The following PCNX1 variants were observed in gnomAD, a reference collection of about 807,000 sequenced individuals.
PCNX1 encodes the protein pecanex 1.
In PCNX1, 78 loss-of-function variants were observed where a neutral mutation model predicts 242.2. The observed-to-expected ratio is 0.32, with a 90% CI of 0.27 to 0.39. PCNX1 has a LOEUF of 0.39. PCNX1 is among the 10% of genes least tolerant of loss of function. The pLI, the probability that PCNX1 is intolerant of heterozygous loss-of-function variation, is 1.00. For missense variants in PCNX1, 2,581 were observed against 2,856.5 expected, an observed-to-expected ratio of 0.90 and a Z score of 2.20; for synonymous variants, 1,024 against 1,032.9, an observed-to-expected ratio of 0.99 and a Z score of 0.17.
chr14:71,105,387 A>G lies in PCNX1; in HGVS notation c.6248A>G (p.Gln2083Arg), dbSNP rs2062584310. ...CAGGGAAGCATTGGAAATCCTGGGC[A>G]GGGATCAGGAACTGGACTCCACCCA... ...VTQGSIGNPG[Q>R]GSGTGLHPPV... The change falls in exon 33 of 36, where the codon CAG becomes CGG. Residue 2083 changes from glutamine (Q) to arginine (R), a missense_variant. Around this residue, in one of 9 missense-constraint regions of PCNX1, gnomAD observed 432 missense variants for 433.6 expected, o/e 1.00. Coordinates refer to ENST00000304743, the MANE Select transcript of PCNX1 (RefSeq NM_014982.3). 9 of 1,614,144 alleles carry G rather than the reference A, an allele frequency of 5.6e-6. No homozygotes were observed. Among genetic ancestry groups the G allele is most frequent in the Non-Finnish European group, 7.6e-6 (9 of 1,179,980 alleles).
rs190499060 is a variant in PCNX1, at chr14:70,977,847, G to T, written c.1510G>T (p.Asp504Tyr). 3 of 1,614,144 alleles carry T rather than the reference G, an allele frequency of 1.9e-6. No individual in the cohort carries two copies. The highest frequency in any genetic ancestry group is 3.3e-5 in the Admixed American group (2 of 60,020). Residue 504 changes from aspartate (D) to tyrosine (Y), a missense_variant, in exon 6 of 36, where the codon GAC (aspartate) becomes TAC (tyrosine). Transcript: ENST00000304743. ...TGCAAATGAATTTACTTCCCAAGGG[G>T]ACAGACCACCTGGGAACACTGCAGA... ...PHANEFTSQG[D>Y]RPPGNTAENK...
intron 1 of PCNX1, among the ~76,000 whole-genome samples, chr14:70,945,293 A>G (rs910543276): frequency 2.0e-5 from 3 of 152,152 alleles, no homozygotes; most frequent in Admixed American, 6.5e-5. Context: ...CAGGTACTCA[A>G]CTCTTCCAAA....
At chr14:71,027,061 C>A in intron 15 of PCNX1, 179 bp downstream of exon 15, 1 of 468,384 alleles carries the variant, frequency 2.1e-6, no homozygotes, top group Non-Finnish European at 3.8e-6. Context: ...AAAAAATAGT[C>A]AAGTCTGCTA....
intron 16 of PCNX1, among the ~76,000 whole-genome samples, chr14:71,031,204 A>T (rs764356790): frequency 2.0e-5 from 3 of 152,194 alleles, no homozygotes; most frequent in Admixed American, 1.3e-4. Context: ...AAATATGCAA[A>T]TGGAGAAGGG....
At chr14:71,023,426 A>G (rs1440318176) in intron 13 of PCNX1, among the ~76,000 whole-genome samples, 194 bp downstream of exon 13, 1 of 152,100 alleles carries the variant, frequency 6.6e-6, no homozygotes, top group Non-Finnish European at 1.5e-5. Flanking sequence ...ATAAAATGAC[A>G]TTGTACTTGT....
chr14:70,908,314 C>T (rs755665838), intron 1 of PCNX1, among the ~76,000 whole-genome samples: 1 of 152,176 alleles, frequency 6.6e-6, no homozygotes, highest in Non-Finnish European at 1.5e-5. Flanking sequence ...CCGTCCCCGC[C>T]GGGGCCCCCC....
intron 1 of PCNX1, among the ~76,000 whole-genome samples, chr14:70,943,952 G>T (rs2057363876): frequency 6.6e-6 from 1 of 152,216 alleles, no homozygotes; most frequent in Non-Finnish European, 1.5e-5. Flanking sequence ...CAGAAGCCAA[G>T]AATTGAGGTT....
intron 1 of PCNX1, among the ~76,000 whole-genome samples, chr14:70,934,450 A>G (rs568382273): frequency 6.6e-5 from 10 of 152,300 alleles, no homozygotes; most frequent in African/African-American, 2.4e-4. Flanking sequence ...TAACCATTTA[A>G]AAAATTTTTG....
At chr14:71,080,190 T>G (rs2061818864) in intron 28 of PCNX1, among the ~76,000 whole-genome samples, 1 of 152,136 alleles carries the variant, frequency 6.6e-6, no homozygotes, top group Admixed American at 6.5e-5. Context: ...TGTAGATGAG[T>G]GGCATTATTT....
At position 70,955,651 on chromosome 14, in the gene PCNX1, A is replaced by G. The variant is rs1422567048; in HGVS notation, c.363-6575A>G. Among the ~76,000 whole-genome samples the G allele has an allele frequency of 5.3e-5, 8 of 152,194 alleles. No individual in the cohort carries two copies. The South Asian group carries it at 8.3e-4, about 16-fold the overall frequency. ...GTTGTATTGCTTACTGCAGTAGACC[A>G]CTTTGCTACTGTGAGAATTATAAAC... On this transcript the variant is annotated intron_variant, in intron 2 of 35. Transcript: ENST00000304743.
chr14:71,025,668 A>G (rs894941025), intron 13 of PCNX1, among the ~76,000 whole-genome samples: 1 of 152,142 alleles, frequency 6.6e-6, no homozygotes, highest in Non-Finnish European at 1.5e-5. Flanking sequence ...ACTTGAGACC[A>G]GGAGTTTGAG....
intron 28 of PCNX1, among the ~76,000 whole-genome samples, chr14:71,080,897 A>C (rs548329080): frequency 1.1e-3 from 168 of 152,344 alleles, no homozygotes; most frequent in African/African-American, 3.8e-3. Context: ...TAGAACTTCC[A>C]ATACTGTGTT....
chr14:71,057,999 C>T (rs2061228898), intron 26 of PCNX1, among the ~76,000 whole-genome samples: 2 of 152,052 alleles, frequency 1.3e-5, no homozygotes, highest in African/African-American at 4.8e-5. Context: ...TTGTTCTGTG[C>T]TTGGTCTCTT....
intron 28 of PCNX1, among the ~76,000 whole-genome samples, chr14:71,080,461 G>GGTA (rs1163255894): frequency 6.6e-6 from 1 of 152,200 alleles, no homozygotes; most frequent in East Asian, 1.9e-4. Context: ...AATTACTTTG[G>GGTA]GTAGTATGGC....
Position 70,971,138 on chromosome 14 carries a change from T to G in PCNX1, c.604+2028T>G, listed in dbSNP as rs1341936729. 2.5e-3 allele frequency among the ~76,000 whole-genome samples: 15 copies of G among 6,068 alleles called. 5 individuals carry two copies. The South Asian group carries it at 0.034, about 14-fold the overall frequency. 4.0% of individuals were successfully genotyped at this position (6,068 alleles called of 152,430 possible). A position where few individuals can be genotyped will look rare whatever the true frequency, so the allele number is the denominator to read the frequency against. On this transcript the variant is annotated intron_variant, in intron 5 of 35. Transcript: ENST00000304743. Reference sequence around the variant, plus strand: ...TAGTTTTTTTTTTTTTTTTTTTTTTTTTTTTTTTTTTTTTTTTGAGACGGA... The same window carrying G: ...TAGTTTTTTTTTTTTTTTTTTTTTTGTTTTTTTTTTTTTTTTTGAGACGGA...
chr14:71,079,047 T>C (rs1266068151), intron 28 of PCNX1, among the ~76,000 whole-genome samples: 1 of 152,156 alleles, frequency 6.6e-6, no homozygotes, highest in Non-Finnish European at 1.5e-5. Flanking sequence ...CCCCTCCCTG[T>C]GTCCATGTGT....
At position 71,045,185 on chromosome 14, in the gene PCNX1, C is replaced by G; in HGVS notation, c.3920C>G (p.Thr1307Ser). 1 of 1,612,910 alleles carries G rather than the reference C, an allele frequency of 6.2e-7. No homozygotes were observed. The highest frequency in any genetic ancestry group is 8.5e-7 in the Non-Finnish European group (1 of 1,179,144). The change falls in exon 20 of 36, where the codon ACC (threonine) becomes AGC (serine). Residue 1307 changes from threonine to serine, a missense_variant. Thr to Ser is a moderately conservative substitution (Grantham distance 58, BLOSUM62 1). Transcript: ENST00000304743. ...YTLVGFVGFV[T>S]HYVLPQVRKQ... ...TTGGTTGGCTTTGTGGGTTTTGTAA[C>G]CCATTATGTGCTGCCTCAAGTTAGA... is the stretch of plus-strand genomic sequence containing the variant.
chr14:70,952,572 CTA>C (rs1209439876), intron 2 of PCNX1, among the ~76,000 whole-genome samples: 1 of 150,102 alleles, frequency 6.7e-6, no homozygotes, highest in African/African-American at 2.5e-5. Context: ...ATGCATTTCT[CTA>C]TGAGAGATTT....
chr14:70,947,724 G>A (rs1198364793), intron 2 of PCNX1, among the ~76,000 whole-genome samples: 1 of 152,214 alleles, frequency 6.6e-6, no homozygotes, highest in African/African-American at 2.4e-5. Context: ...CCTAGAAAAG[G>A]AAGAGGATAA....
Sources: gnomAD v4.1 joint callset for allele counts (sites outside exome capture counted in the v4.1 genomes callset) on GRCh38, gnomAD v4.1.1 for gene constraint, gnomAD v4.1.1 regional missense constraint, MANE v1.5 for transcripts, NCBI Gene and HGNC (gene_info 2026-07-23, HGNC 2026-07-21) for gene names.